ACTL8: variants seen among roughly 807,000 people sequenced by gnomAD.
ACTL8 encodes actin like 8, also known as actin-like protein 8.
Under a neutral mutation model 9.3 loss-of-function variants are expected in ACTL8, and 3 were observed. The observed-to-expected ratio is 0.32, with a 90% CI of 0.15 to 0.83. ACTL8 has a LOEUF of 0.83. Among genes scored for constraint, ACTL8 ranks in the 40% least tolerant of loss-of-function variants. The pLI is 0.57. For missense variants in ACTL8, 381 were observed against 492.2 expected, an observed-to-expected ratio of 0.77 and a Z score of 2.14; for synonymous variants, 224 against 205.9, an observed-to-expected ratio of 1.09 and a Z score of -0.75.
At chr1:17,815,924 CTCTAT>C (rs1265721762) in intron 1 of ACTL8, among the ~76,000 whole-genome samples, 1 of 152,100 alleles carries the variant, frequency 6.6e-6, no homozygotes, top group African/African-American at 2.4e-5. Flanking sequence ...CCTCTGTCGT[CTCTAT>C]TCTATGGAGC....
chr1:17,783,374 C>T (rs2066171343), intron 1 of ACTL8, among the ~76,000 whole-genome samples: 1 of 149,050 alleles, frequency 6.7e-6, no homozygotes, highest in African/African-American at 2.5e-5. Flanking sequence ...TAAAAAAACT[C>T]CAGGGCCTGT....
At chr1:17,765,226 A>G (rs1391390428) in intron 1 of ACTL8, among the ~76,000 whole-genome samples, 1 of 152,168 alleles carries the variant, frequency 6.6e-6, no homozygotes, top group East Asian at 1.9e-4. Flanking sequence ...GCCTGAAGGA[A>G]GAGAAACATG....
At chr1:17,771,839 C>T (rs146408741) in intron 1 of ACTL8, among the ~76,000 whole-genome samples, 12 of 152,236 alleles carry the variant, frequency 7.9e-5, no homozygotes, top group East Asian at 1.9e-4. Context: ...GGGTCACCAC[C>T]GTTTCTTGCA....
Position 17,777,978 on chromosome 1 carries a change from G to T in ACTL8, c.-25+22474G>T, listed in dbSNP as rs1296246686. On this transcript the variant is annotated intron_variant, in intron 1 of 2. Transcript: ENST00000375406. ...CTCCCAAAGTGCTGGAATTACAGGCGTGAGCCACCGTTCCTAGCCCCGCCG... is the reference window on the plus strand; with the variant it reads ...CTCCCAAAGTGCTGGAATTACAGGCTTGAGCCACCGTTCCTAGCCCCGCCG... Among the ~76,000 whole-genome samples the T allele has an allele frequency of 2.0e-5, 3 of 152,208 alleles. No homozygotes were observed. In the South Asian group the frequency reaches 6.2e-4, roughly 32 times the overall value.
intron 2 of ACTL8, among the ~76,000 whole-genome samples, chr1:17,825,158 C>T (rs1294443359): frequency 6.6e-6 from 1 of 152,096 alleles, no homozygotes; most frequent in African/African-American, 2.4e-5. Context: ...ACCCTAAATA[C>T]CAGAATTCCG....
At position 17,823,063 on chromosome 1, in the gene ACTL8, A is replaced by G. The variant is rs765904980; in HGVS notation, c.55A>G (p.Thr19Ala). 19 of 1,614,078 alleles carry G rather than the reference A, an allele frequency of 1.2e-5. No individual in the cohort carries two copies. Among genetic ancestry groups the G allele is most frequent in the South Asian group, 3.3e-5 (3 of 91,092 alleles). ...DHGSGFLKAG[T>A]AGWNEPQMVF... ...CGGGTCTGGCTTTTTGAAGGCTGGC[A>G]CGGCCGGCTGGAATGAGCCTCAGAT... The change falls in exon 2 of 3, where the codon ACG becomes GCG. Residue 19 changes from threonine to alanine, a missense_variant. Coordinates refer to ENST00000375406, the MANE Select transcript of ACTL8 (RefSeq NM_030812.3). This position sits in a 1 kb window ranked among gnomAD's most constrained non-coding sequence, Gnocchi z 5.3.
In ACTL8 at chr1:17,826,558, T is replaced by G; in HGVS notation, c.*39T>G. On this transcript the variant is annotated 3_prime_UTR_variant, in exon 3 of 3. Transcript: ENST00000375406. This position sits in a 1 kb window ranked among gnomAD's most constrained non-coding sequence, Gnocchi z 4.5. The stretch of plus-strand genomic sequence containing the variant: ...CTCCTGAGAATGGGCTCCTGTTAGA[T>G]GGGCACGGGCGGATTAATTTTAGCA... 6.7e-7 allele frequency: 1 copy of G among 1,498,778 alleles called. No homozygotes were observed. The allele number at this position is 1,498,778 out of a possible 1,614,324, so 92.8% of individuals were successfully genotyped here.
chr1:17,758,818 A>G (rs1214787592), intron 1 of ACTL8, among the ~76,000 whole-genome samples: 1 of 152,208 alleles, frequency 6.6e-6, no homozygotes, highest in Admixed American at 6.5e-5. Context: ...GAGCTCCTGA[A>G]TAAACAATTA....
chr1:17,817,032 A>G (rs1358297090), intron 1 of ACTL8, among the ~76,000 whole-genome samples: 1 of 151,894 alleles, frequency 6.6e-6, no homozygotes, highest in Non-Finnish European at 1.5e-5. Flanking sequence ...CATTGTCCTC[A>G]GGTTGTTGGG....
At position 17,826,545 on chromosome 1, in the gene ACTL8, G is replaced by T. The variant is rs761410914; in HGVS notation, c.*26G>T. 1 of 1,518,364 alleles carries T rather than the reference G, an allele frequency of 6.6e-7. No homozygotes were observed. The highest frequency in any genetic ancestry group is 2.3e-5 in the East Asian group (1 of 43,784). The allele number at this position is 1,518,364 out of a possible 1,614,324, so 94.1% of individuals were successfully genotyped here. A position where few individuals can be genotyped will look rare whatever the true frequency, so the allele number is the denominator to read the frequency against. ...CCCTACTGGCTCACTCCTGAGAATG[G>T]GCTCCTGTTAGATGGGCACGGGCGG... On this transcript the variant is annotated 3_prime_UTR_variant, in exon 3 of 3. Transcript: ENST00000375406. The surrounding 1 kb of genome is among the most constrained non-coding windows in gnomAD (Gnocchi z 4.5).
chr1:17,776,969 ATTTTTTTTTTTTTTTTTTTT>A (rs765972298), intron 1 of ACTL8, among the ~76,000 whole-genome samples: 9 of 50,508 alleles, frequency 1.8e-4, no homozygotes, highest in Non-Finnish European at 2.8e-4. Context: ...CTGGCTAATG[ATTTTTTTTTTTTTTTTTTTT>A]TTTTTTTTTT....
At chr1:17,762,633 C>T (rs995302957) in intron 1 of ACTL8, among the ~76,000 whole-genome samples, 5 of 152,080 alleles carry the variant, frequency 3.3e-5, no homozygotes, top group African/African-American at 1.2e-4. Context: ...CCCTGGTCCC[C>T]GATATCGAAC....
intron 1 of ACTL8, among the ~76,000 whole-genome samples, chr1:17,806,202 A>G (rs2066358916): frequency 6.6e-6 from 1 of 152,246 alleles, no homozygotes; most frequent in Non-Finnish European, 1.5e-5. Context: ...TTAATTCTCC[A>G]GAGTTCAGAA....
chr1:17,797,849 C>T (rs2066289112), intron 1 of ACTL8, among the ~76,000 whole-genome samples: 1 of 152,190 alleles, frequency 6.6e-6, no homozygotes, highest in Non-Finnish European at 1.5e-5. Context: ...CGTCAGTGGG[C>T]TTCCAGCAAA....
In ACTL8 at chr1:17,809,401, G is replaced by C. The variant is rs1306372534; in HGVS notation, c.-24-13584G>C. Among the ~76,000 whole-genome samples the C allele has an allele frequency of 4.6e-5, 7 of 152,260 alleles. No homozygotes were observed. The East Asian group carries it at 1.2e-3, about 25-fold the overall frequency. ...AAGGGCTAGCCGGGGGTTCCACACA[G>C]AGGGTAAGGCAAACATAGGGGCTGA... On this transcript the variant is annotated intron_variant, in intron 1 of 2. Coordinates refer to ENST00000375406, the MANE Select transcript of ACTL8 (RefSeq NM_030812.3).
At position 17,826,034 on chromosome 1, in the gene ACTL8, G is replaced by C. The variant is rs776381938; in HGVS notation, c.616G>C (p.Val206Leu). 6.2e-7 allele frequency: 1 copy of C among 1,606,564 alleles called. No individual in the cohort carries two copies. Among genetic ancestry groups the C allele is most frequent in the Admixed American group, 1.7e-5 (1 of 60,024 alleles). The change falls in exon 3 of 3, where the codon GTG becomes CTG. Residue 206 changes from valine (V) to leucine (L), a missense_variant. Transcript: ENST00000375406. The surrounding 1 kb of genome is among the most constrained non-coding windows in gnomAD (Gnocchi z 4.5). ...RCLFQLETVA[V>L]TQMNKCYVPQ... is the part of the protein sequence containing the mutation. ...CCTGTTTCAGCTGGAGACAGTCGCCGTGACTCAGATGAACAAGTGCTACGT... is the reference window on the plus strand; with the variant it reads ...CCTGTTTCAGCTGGAGACAGTCGCCCTGACTCAGATGAACAAGTGCTACGT...
chr1:17,776,475 G>A (rs1024073104), intron 1 of ACTL8, among the ~76,000 whole-genome samples: 2 of 152,152 alleles, frequency 1.3e-5, no homozygotes, highest in East Asian at 3.9e-4. Context: ...GAGTTGCGGG[G>A]TGAGGCTCAC....
At chr1:17,794,158 C>T (rs757056119) in intron 1 of ACTL8, among the ~76,000 whole-genome samples, 4 of 152,124 alleles carry the variant, frequency 2.6e-5, no homozygotes, top group East Asian at 3.9e-4. Context: ...GAGATGCAGT[C>T]GCTTGGCCAA....
chr1:17,802,257 C>T (rs4920643), intron 1 of ACTL8, among the ~76,000 whole-genome samples: 24,924 of 152,170 alleles, frequency 0.16, 2,792 homozygotes, highest in African/African-American at 0.31. Context: ...TACAACCAGC[C>T]TCCACGGTGT....
Sources: gnomAD v4.1 joint callset for allele counts (sites outside exome capture counted in the v4.1 genomes callset) on GRCh38, gnomAD v4.1.1 for gene constraint, Gnocchi (gnomAD v3.1) non-coding constraint, MANE v1.5 for transcripts, NCBI Gene and HGNC (gene_info 2026-07-23, HGNC 2026-07-21) for gene names.